Variants in GRID2 observed in about 807,000 individuals in gnomAD.
The protein encoded by GRID2 is glutamate ionotropic receptor delta type subunit 2.
Under a neutral mutation model 114.8 loss-of-function variants are expected in GRID2, and 33 were observed. The observed-to-expected ratio is 0.29, with a 90% CI of 0.22 to 0.38. The LOEUF (loss-of-function observed/expected upper bound fraction) is 0.38. Ranked by LOEUF, GRID2 falls within the 10% of genes least tolerant of loss-of-function variation. GRID2 has a pLI of 1.00. For synonymous variants in GRID2, 505 were observed against 449.9 expected (o/e 1.12, Z -1.55); for missense variants, 1,184 against 1,257.7 (o/e 0.94, Z 0.89).
At chr4:93,472,082 T>A (rs1438591776) in intron 11 of GRID2, among the ~76,000 whole-genome samples, 2 of 151,246 alleles carry the variant, frequency 1.3e-5, no homozygotes, top group African/African-American at 4.9e-5. Flanking sequence ...CCCAGCACTT[T>A]GGGAGACTGA....
intron 13 of GRID2, among the ~76,000 whole-genome samples, chr4:93,552,249 T>C (rs1489019095): frequency 6.6e-6 from 1 of 152,112 alleles, no homozygotes; most frequent in Admixed American, 6.5e-5. Context: ...ATGGTGTATA[T>C]GTGCCACATT....
chr4:92,843,645 C>G (rs1165157157), intron 2 of GRID2, among the ~76,000 whole-genome samples: 1 of 152,184 alleles, frequency 6.6e-6, no homozygotes, highest in East Asian at 1.9e-4. Context: ...TTAGAAGATT[C>G]TGCATCCAAT....
At chr4:93,799,092 C>T (rs1192142102) in intron 1 of GRID2, among the ~76,000 whole-genome samples, 1 of 152,168 alleles carries the variant, frequency 6.6e-6, no homozygotes, top group East Asian at 1.9e-4. Flanking sequence ...ACCTCAGTTA[C>T]TTCACATGTT....
At chr4:92,877,614 G>T (rs1464876507) in intron 2 of GRID2, among the ~76,000 whole-genome samples, 1 of 152,078 alleles carries the variant, frequency 6.6e-6, no homozygotes, top group African/African-American at 2.4e-5. Context: ...TTGTTCTTTT[G>T]TTCTTCTACA....
chr4:92,383,176 C>T (rs530140781), intron 1 of GRID2, among the ~76,000 whole-genome samples: 3 of 152,002 alleles, frequency 2.0e-5, no homozygotes, highest in African/African-American at 4.8e-5. Flanking sequence ...GATTCCGCTC[C>T]CATGATCCAA....
At chr4:93,757,609 A>G (rs1001655854) in intron 14 of GRID2, among the ~76,000 whole-genome samples, 1 of 152,248 alleles carries the variant, frequency 6.6e-6, no homozygotes, top group Admixed American at 6.5e-5. Flanking sequence ...ACTATCCAGT[A>G]CTGGAATTGG....
intron 11 of GRID2, among the ~76,000 whole-genome samples, chr4:93,463,286 A>G (rs1046872993): frequency 2.0e-5 from 3 of 152,224 alleles, no homozygotes; most frequent in African/African-American, 4.8e-5. Flanking sequence ...AAACAGTGCC[A>G]TGATTTTAAG....
chr4:93,558,364 A>G (rs1734542015), intron 13 of GRID2, among the ~76,000 whole-genome samples: 1 of 152,198 alleles, frequency 6.6e-6, no homozygotes, highest in Admixed American at 6.5e-5. Context: ...AAAAAAAGAG[A>G]GAAGAATCAA....
At chr4:92,723,053 CT>C (rs796489126) in intron 2 of GRID2, among the ~76,000 whole-genome samples, 1,547 of 148,566 alleles carry the variant, frequency 0.01, 24 homozygotes, top group African/African-American at 0.036. Flanking sequence ...TGCATGTGTA[CT>C]TTTTTTTTTG....
At chr4:92,425,420 C>T (rs546321450) in intron 1 of GRID2, among the ~76,000 whole-genome samples, 2 of 152,122 alleles carry the variant, frequency 1.3e-5, no homozygotes, top group African/African-American at 4.8e-5. Flanking sequence ...TGTTAGCTAG[C>T]GACTGATCAC....
chr4:92,487,807 G>A (rs1020737581), intron 1 of GRID2, among the ~76,000 whole-genome samples: 4 of 151,930 alleles, frequency 2.6e-5, no homozygotes, highest in Admixed American at 2.0e-4. Flanking sequence ...GTTGTCTTGG[G>A]TTCTTGGATC....
chr4:93,084,981 G>C lies in GRID2; in HGVS notation c.245-14G>C. On this transcript the variant is annotated splice_polypyrimidine_tract_variant and intron_variant, in intron 2 of 15. Coordinates refer to ENST00000282020, the MANE Select transcript of GRID2 (RefSeq NM_001510.4). ...ACCCACTGACATTTTGAATATTACTGTGCTTTCTTGCAGCCTGTGAACTTA... is the reference window on the plus strand; with the variant it reads ...ACCCACTGACATTTTGAATATTACTCTGCTTTCTTGCAGCCTGTGAACTTA... 6.2e-7 allele frequency: 1 copy of C among 1,609,564 alleles called. No individual in the cohort carries two copies. Among genetic ancestry groups the C allele is most frequent in the South Asian group, 1.1e-5 (1 of 90,962 alleles).
chr4:92,310,085 A>G (rs1394967941), intron 1 of GRID2, among the ~76,000 whole-genome samples: 2 of 151,974 alleles, frequency 1.3e-5, no homozygotes, highest in Non-Finnish European at 2.9e-5. Context: ...TTTTCAGATA[A>G]TTTTTGCCTG....
chr4:93,223,187 C>T (rs1393339576), intron 6 of GRID2, among the ~76,000 whole-genome samples: 1 of 151,992 alleles, frequency 6.6e-6, no homozygotes, highest in Non-Finnish European at 1.5e-5. Context: ...TTCAGCCATT[C>T]TTTTGTAGTC....
chr4:92,481,537 A>AT (rs1722589073), intron 1 of GRID2, among the ~76,000 whole-genome samples: 2 of 151,918 alleles, frequency 1.3e-5, no homozygotes, highest in Admixed American at 1.3e-4. Context: ...TTGTTTCTGA[A>AT]TTTTTTATTC....
intron 2 of GRID2, among the ~76,000 whole-genome samples, chr4:92,809,915 T>G (rs1740590207): frequency 6.6e-6 from 1 of 152,010 alleles, no homozygotes; most frequent in Admixed American, 6.6e-5. Context: ...CCTGTTAATG[T>G]CTGACCTGAC....
intron 10 of GRID2, among the ~76,000 whole-genome samples, chr4:93,427,254 T>C (rs894252566): frequency 1.3e-5 from 2 of 151,922 alleles, no homozygotes; most frequent in Non-Finnish European, 2.9e-5. Flanking sequence ...CTTTATGAGG[T>C]GTATTTACCC....
chr4:92,325,099 CATT>C (rs1726526945), intron 1 of GRID2, among the ~76,000 whole-genome samples: 2 of 151,854 alleles, frequency 1.3e-5, no homozygotes, highest in South Asian at 4.1e-4. Flanking sequence ...CCATCTCTAT[CATT>C]ATTTCAGTAG....
At chr4:92,926,514 A>T (rs530770318) in intron 2 of GRID2, among the ~76,000 whole-genome samples, 3 of 152,112 alleles carry the variant, frequency 2.0e-5, no homozygotes, top group African/African-American at 7.2e-5. Context: ...AAGGCATATA[A>T]ATATGCTATA....
Sources: allele counts gnomAD v4.1 joint callset (sites outside exome capture counted in the v4.1 genomes callset), GRCh38; gene constraint gnomAD v4.1.1; transcripts MANE v1.5; gene names NCBI Gene and HGNC (gene_info 2026-07-23, HGNC 2026-07-21).